The following UBE2L3 variants were observed in gnomAD, a reference collection of about 807,000 sequenced individuals.
The protein encoded by UBE2L3 is ubiquitin conjugating enzyme E2 L3.
Under a neutral mutation model 17.8 loss-of-function variants are expected in UBE2L3, and 1 was observed. That is an observed-to-expected ratio of 0.06 (90% CI 0.02 to 0.27). The LOEUF (loss-of-function observed/expected upper bound fraction) is 0.27. Among genes scored for constraint, UBE2L3 ranks in the 10% least tolerant of loss-of-function variants. The pLI is 1.00. For synonymous variants in UBE2L3, 44 were observed against 68.5 expected, an observed-to-expected ratio of 0.64 and a Z score of 1.76; for missense variants, 40 against 192.6, an observed-to-expected ratio of 0.21 and a Z score of 4.69.
chr22:21,601,829 G>A (rs1403587636), intron 2 of UBE2L3, among the ~76,000 whole-genome samples: 4 of 151,762 alleles, frequency 2.6e-5, no homozygotes, highest in Non-Finnish European at 4.4e-5. Flanking sequence ...AAAATTAGCC[G>A]GGCGTGGTGG....
chr22:21,578,371 A>T (rs1336211809), intron 1 of UBE2L3, among the ~76,000 whole-genome samples: 1 of 151,892 alleles, frequency 6.6e-6, no homozygotes, highest in African/African-American at 2.4e-5. Context: ...AAAGAAAAAA[A>T]AAAAAAAGAA....
rs376735668 is a variant in UBE2L3 at position 21,595,092 on chromosome 22, G to A, written c.123+2136G>A. Among the ~76,000 whole-genome samples, 130 of 152,330 alleles carry A rather than the reference G, an allele frequency of 8.5e-4. 5 individuals are homozygous for A. In the South Asian group the frequency reaches 0.02, roughly 24 times the overall value. ...GAGCAGTGGGCTAAGATCTTACTAG[G>A]GCAAAGGTGGAGGCTGGCTGGTAGA... On this transcript the variant is annotated intron_variant, in intron 2 of 3. Transcript: ENST00000342192.
chr22:21,592,987 G>T, intron 2 of UBE2L3, 31 bp downstream of exon 2: 1 of 1,584,532 alleles, frequency 6.3e-7, no homozygotes, highest in Non-Finnish European at 8.7e-7. Context: ...CTTCCTACCA[G>T]ATTATTCTTT....
chr22:21,605,756 TCAGC>T (rs1294934017), intron 2 of UBE2L3, among the ~76,000 whole-genome samples: 2 of 152,230 alleles, frequency 1.3e-5, no homozygotes, highest in Non-Finnish European at 2.9e-5. Context: ...TCTGCACATT[TCAGC>T]CTCCCAAAGT....
chr22:21,580,367 C>T (rs1027162189), intron 1 of UBE2L3, among the ~76,000 whole-genome samples: 33 of 152,186 alleles, frequency 2.2e-4, no homozygotes, highest in Non-Finnish European at 4.0e-4. Context: ...TATAATTGAC[C>T]ACTTCCTCTC....
chr22:21,567,668 G>T, upstream of UBE2L3: 1 of 1,549,742 alleles, frequency 6.5e-7, no homozygotes, highest in African/African-American at 1.4e-5. Flanking sequence ...CCCCTCCCCC[G>T]CTCCAGGAAG....
intron 1 of UBE2L3, among the ~76,000 whole-genome samples, chr22:21,568,961 A>T (rs942514351): frequency 6.6e-6 from 1 of 152,162 alleles, no homozygotes; most frequent in Admixed American, 6.6e-5. Context: ...GAACAGTCAG[A>T]GGACTTCAGA....
At chr22:21,588,502 C>T (rs1446594018) in intron 1 of UBE2L3, among the ~76,000 whole-genome samples, 1 of 128,788 alleles carries the variant, frequency 7.8e-6, no homozygotes, top group African/African-American at 3.0e-5. Flanking sequence ...GGGTCTCACT[C>T]TAGTTGCCCT....
intron 2 of UBE2L3, among the ~76,000 whole-genome samples, chr22:21,605,671 A>G (rs1425746333): frequency 6.6e-6 from 1 of 151,962 alleles, no homozygotes; most frequent in Non-Finnish European, 1.5e-5. Context: ...ACGCCTGGCT[A>G]ATTTTTGTAT....
intron 1 of UBE2L3, among the ~76,000 whole-genome samples, chr22:21,556,462 C>G (rs1221312931): frequency 1.3e-5 from 2 of 152,246 alleles, no homozygotes; most frequent in Non-Finnish European, 2.9e-5. Flanking sequence ...CAGGGTCTTG[C>G]TCTGTCATCC....
intron 2 of UBE2L3, among the ~76,000 whole-genome samples, chr22:21,595,372 C>T (rs1276214281): frequency 1.3e-5 from 2 of 152,234 alleles, no homozygotes; most frequent in Non-Finnish European, 2.9e-5. Context: ...CCAACCTGGG[C>T]TTTAGGTCTT....
At chr22:21,593,047 C>A in intron 2 of UBE2L3, 91 bp downstream of exon 2, 1 of 1,126,416 alleles carries the variant, frequency 8.9e-7, no homozygotes, top group Admixed American at 1.8e-5. Flanking sequence ...TTAGTAGGCT[C>A]TTAGTCTAGG....
chr22:21,607,584 T>TGTGCCATGGCAA (rs980694053), intron 2 of UBE2L3, among the ~76,000 whole-genome samples: 1 of 145,402 alleles, frequency 6.9e-6, no homozygotes, highest in African/African-American at 2.6e-5. Context: ...TTGGGTTGGG[T>TGTGCCATGGCAA]GTGCCATGGC....
At chr22:21,567,863 G>T (rs1926719989) in intron 1 of UBE2L3, 92 bp downstream of exon 1, 1 of 1,548,028 alleles carries the variant, frequency 6.5e-7, no homozygotes, top group Non-Finnish European at 8.7e-7. Context: ...GGGCGCTGCC[G>T]TCTGGCTTCC....
chr22:21,621,183 C>A (rs1027119045), intron 3 of UBE2L3, among the ~76,000 whole-genome samples: 1 of 152,096 alleles, frequency 6.6e-6, no homozygotes, highest in Non-Finnish European at 1.5e-5. Context: ...CCCAACCCCC[C>A]GCCAAGAAAA....
intron 2 of UBE2L3, among the ~76,000 whole-genome samples, chr22:21,603,215 G>A (rs578137969): frequency 7.9e-5 from 12 of 152,152 alleles, no homozygotes; most frequent in Admixed American, 4.6e-4. Context: ...CTTTAAAACC[G>A]GTATCTTTCT....
At chr22:21,595,199 C>T (rs114528176) in intron 2 of UBE2L3, among the ~76,000 whole-genome samples, 309 of 152,370 alleles carry the variant, frequency 2.0e-3, no homozygotes, top group African/African-American at 7.3e-3. Flanking sequence ...ACAGCCAGGG[C>T]TGCTCTTGTC....
Position 21,607,548 on chromosome 22 carries a change from G to T in UBE2L3, c.124-3309G>T, listed in dbSNP as rs564136207. Among the ~76,000 whole-genome samples the T allele has an allele frequency of 5.3e-5, 8 of 151,246 alleles. No individual in the cohort carries two copies. In the East Asian group the frequency reaches 1.6e-3, roughly 29 times the overall value. ...AAAAAAAAAAAAAAAGATTGTTCTTGGGCTCTCTGTGAAGCTTGGATTTCT... is the reference window on the plus strand; with the variant it reads ...AAAAAAAAAAAAAAAGATTGTTCTTTGGCTCTCTGTGAAGCTTGGATTTCT... On this transcript the variant is annotated intron_variant, in intron 2 of 3. Coordinates refer to ENST00000342192, the MANE Select transcript of UBE2L3 (RefSeq NM_003347.4).
chr22:21,584,657 C>T (rs529654885), intron 1 of UBE2L3, among the ~76,000 whole-genome samples: 1 of 150,836 alleles, frequency 6.6e-6, no homozygotes, highest in African/African-American at 2.4e-5. Flanking sequence ...GTCTCCAACT[C>T]CTGGCCTCAA....
Sources: allele counts gnomAD v4.1 joint callset (sites outside exome capture counted in the v4.1 genomes callset), GRCh38; gene constraint gnomAD v4.1.1; transcripts MANE v1.5; gene names NCBI Gene and HGNC (gene_info 2026-07-23, HGNC 2026-07-21).